Variants in PAFAH1B2 observed in about 807,000 individuals in gnomAD.
The protein encoded by PAFAH1B2 is platelet-activating factor acetylhydrolase IB subunit alpha2.
Under a neutral mutation model 28.0 loss-of-function variants are expected in PAFAH1B2, and 8 were observed. That is an observed-to-expected ratio of 0.29 (90% confidence interval 0.17 to 0.52). The LOEUF is 0.52. Among genes scored for constraint, PAFAH1B2 ranks in the 20% least tolerant of loss-of-function variants. PAFAH1B2 has a pLI of 0.97. For synonymous variants in PAFAH1B2, 104 were observed against 103.2 expected (o/e 1.01, Z -0.05); for missense variants, 190 against 282.6 (o/e 0.67, Z 2.35).
At position 117,169,195 on chromosome 11, in the gene PAFAH1B2, T is replaced by G. The variant is rs1956589276; in HGVS notation, c.*1496T>G. 9.7e-7 allele frequency: 1 copy of G among 1,032,218 alleles called. No individual in the cohort carries two copies. Among genetic ancestry groups the G allele is most frequent in the Non-Finnish European group, 1.2e-6 (1 of 858,278 alleles). 63.9% of individuals were successfully genotyped at this position (1,032,218 alleles called of 1,614,324 possible). A position where few individuals can be genotyped will look rare whatever the true frequency, so the allele number is the denominator to read the frequency against. On this transcript the variant is annotated 3_prime_UTR_variant, in exon 6 of 6. Coordinates refer to ENST00000527958, the MANE Select transcript of PAFAH1B2 (RefSeq NM_002572.4). ...CATAGACACTACCTTTATCCCATCA[T>G]TTTAGTAAAAACTAGGTTTGTTTCA...
chr11:117,173,912 A>G (rs975581435), downstream of PAFAH1B2, among the ~76,000 whole-genome samples: 1 of 152,244 alleles, frequency 6.6e-6, no homozygotes, highest in African/African-American at 2.4e-5. Context: ...ATGAAAAAAC[A>G]GCCCTTTTTA....
In PAFAH1B2 at chr11:117,155,071, A is replaced by G. The variant is rs775128228; in HGVS notation, c.81+2543A>G. Among the ~76,000 whole-genome samples, 57 of 151,870 alleles carry G rather than the reference A, an allele frequency of 3.8e-4. 1 individual carries two copies. The highest frequency in any genetic ancestry group is 1.5e-3 in the Admixed American group (23 of 15,220). The stretch of plus-strand genomic sequence containing the variant: ...GTGATCTTGGCTCGCTGCAACTTCT[A>G]CCTCCTGAATAGCTGGGATTACAGG... On this transcript the variant is annotated intron_variant, in intron 2 of 5. Transcript: ENST00000527958.
chr11:117,175,822 T>G, downstream of PAFAH1B2: 2 of 1,324,674 alleles, frequency 1.5e-6, no homozygotes, highest in Non-Finnish European at 2.1e-6. Flanking sequence ...ATCCAGCTAC[T>G]CGAGAGGCTG....
chr11:117,165,947 C>G (rs573167745), intron 5 of PAFAH1B2, among the ~76,000 whole-genome samples: 3 of 151,690 alleles, frequency 2.0e-5, no homozygotes, highest in Admixed American at 6.6e-5. Context: ...TCAAGTGATT[C>G]TTCTGCCTCA....
At position 117,168,446 on chromosome 11, in the gene PAFAH1B2, GT is replaced by G. The variant is rs71469127; in HGVS notation, c.*772del. ...TCCCCTTCATTCCCCCCGCCACCCCGTTTTTTTTTTTTTTTTTTTTTTTTTG... is the reference window on the plus strand; with the variant it reads ...TCCCCTTCATTCCCCCCGCCACCCCGTTTTTTTTTTTTTTTTTTTTTTTTG... On this transcript the variant is annotated 3_prime_UTR_variant, in exon 6 of 6. Transcript: ENST00000527958. The G allele has an allele frequency of 9.1e-3, 2,139 of 235,568 alleles. 2 individuals are homozygous for G. Among genetic ancestry groups the G allele is most frequent in the East Asian group, 0.051 (292 of 5,682 alleles). 14.6% of individuals were successfully genotyped at this position (235,568 alleles called of 1,614,324 possible). A position where few individuals can be genotyped will look rare whatever the true frequency, so the allele number is the denominator to read the frequency against.
rs1565268065 is a variant in PAFAH1B2, at chr11:117,159,919, T to C, written c.82-15T>C. On this transcript the variant is annotated splice_polypyrimidine_tract_variant and intron_variant, in intron 2 of 5. Coordinates refer to ENST00000527958, the MANE Select transcript of PAFAH1B2 (RefSeq NM_002572.4). The stretch of plus-strand genomic sequence containing the variant: ...AGTGCCAGTTAATAATTTTTTTTTT[T>C]CTTCTTCAAACCAGCACAACAGATT... 1 of 1,570,866 alleles carries C rather than the reference T, an allele frequency of 6.4e-7. No individual in the cohort carries two copies.
At position 117,170,476 on chromosome 11, in the gene PAFAH1B2, G is replaced by GGTC; in HGVS notation, c.*2779_*2781dup. ...GCTGTCTTCCAGTCCATGTGTTCTC[G>GGTC]GTCGCCGTAGACAGCGCTCTGGCTA... On this transcript the variant is annotated 3_prime_UTR_variant, in exon 6 of 6. Transcript: ENST00000527958. 9.4e-7 allele frequency: 1 copy of GGTC among 1,059,780 alleles called. No homozygotes were observed. The highest frequency in any genetic ancestry group is 1.1e-6 in the Non-Finnish European group (1 of 876,390). The allele number at this position is 1,059,780 out of a possible 1,614,324, so 65.6% of individuals were successfully genotyped here.
downstream of PAFAH1B2, among the ~76,000 whole-genome samples, chr11:117,177,339 C>G (rs541853815): frequency 1.3e-5 from 2 of 152,050 alleles, no homozygotes; most frequent in South Asian, 4.1e-4. Flanking sequence ...TTTGGTACTA[C>G]TCTATATTTT....
intron 4 of PAFAH1B2, among the ~76,000 whole-genome samples, chr11:117,162,297 C>CT (rs746698495): frequency 6.6e-6 from 1 of 152,182 alleles, no homozygotes. Context: ...CCATGCTTAG[C>CT]TAATTTTTAA....
chr11:117,165,901 G>A (rs1050831105), intron 5 of PAFAH1B2, among the ~76,000 whole-genome samples: 19 of 151,148 alleles, frequency 1.3e-4, no homozygotes, highest in African/African-American at 1.7e-4. Context: ...GTGCAGTGGC[G>A]TGATCTTAGC....
In PAFAH1B2 at chr11:117,161,142, T is replaced by C; in HGVS notation, c.172-3T>C. 1 of 1,574,760 alleles carries C rather than the reference T, an allele frequency of 6.4e-7. No individual in the cohort carries two copies. The highest frequency in any genetic ancestry group is 8.6e-7 in the Non-Finnish European group (1 of 1,163,816). On this transcript the variant is annotated splice_region_variant and splice_polypyrimidine_tract_variant and intron_variant, in intron 3 of 5. Coordinates refer to ENST00000527958, the MANE Select transcript of PAFAH1B2 (RefSeq NM_002572.4). Reference sequence around the variant, plus strand: ...ACACTAAATCAAGTTTTTCTTTTTTTAGATATGGCGAGAGCTTTTTTCCCC... The same window carrying C: ...ACACTAAATCAAGTTTTTCTTTTTTCAGATATGGCGAGAGCTTTTTTCCCC...
chr11:117,171,820 A>G, downstream of PAFAH1B2: 1 of 1,172,668 alleles, frequency 8.5e-7, no homozygotes, highest in Non-Finnish European at 1.2e-6. Context: ...TTGCTTTATC[A>G]CTGTTCACCT....
intron 2 of PAFAH1B2, among the ~76,000 whole-genome samples, chr11:117,156,247 A>G (rs1198133884): frequency 6.6e-6 from 1 of 152,198 alleles, no homozygotes; most frequent in African/African-American, 2.4e-5. Flanking sequence ...CTACATAGAA[A>G]AATGGTTCTA....
At chr11:117,161,801 G>A (rs537637908) in intron 4 of PAFAH1B2, among the ~76,000 whole-genome samples, 1 of 152,188 alleles carries the variant, frequency 6.6e-6, no homozygotes, top group Non-Finnish European at 1.5e-5. Flanking sequence ...GAGCCACCGC[G>A]CCTGGCTGAA....
At chr11:117,156,020 A>G (rs940096750) in intron 2 of PAFAH1B2, among the ~76,000 whole-genome samples, 3 of 152,098 alleles carry the variant, frequency 2.0e-5, no homozygotes, top group African/African-American at 7.2e-5. Context: ...CCCTGATTCA[A>G]CAAAAAATAG....
rs535548596 is a variant in PAFAH1B2, at chr11:117,161,204, A to G, written c.231A>G (p.Thr77=). The G allele has an allele frequency of 1.9e-6, 3 of 1,597,554 alleles. No individual in the cohort carries two copies. The highest frequency in any genetic ancestry group is 1.8e-5 in the Admixed American group (1 of 54,106). ...TGAATTTTGGAATTGGGGGAGATACAACAAGACATGTTTTGTGGAGACTAA... is the reference window on the plus strand; with the variant it reads ...TGAATTTTGGAATTGGGGGAGATACGACAAGACATGTTTTGTGGAGACTAA... ...HALNFGIGGD[T]TRHVLWRLKN... The change falls in exon 4 of 6, where the codon ACA becomes ACG. Residue 77 remains threonine, a synonymous_variant. Transcript: ENST00000527958.
chr11:117,165,528 A>AT (rs1956486584), intron 5 of PAFAH1B2, among the ~76,000 whole-genome samples: 1 of 152,176 alleles, frequency 6.6e-6, no homozygotes, highest in South Asian at 2.1e-4. Flanking sequence ...GCATACAAAA[A>AT]TGAGTAAGAC....
intron 2 of PAFAH1B2, among the ~76,000 whole-genome samples, chr11:117,157,451 T>C (rs1956278082): frequency 6.6e-6 from 1 of 152,190 alleles, no homozygotes; most frequent in Non-Finnish European, 1.5e-5. Flanking sequence ...CAGAGGTGTT[T>C]TCATAATCTG....
chr11:117,146,190 C>T (rs756248027), intron 1 of PAFAH1B2, among the ~76,000 whole-genome samples: 3 of 149,046 alleles, frequency 2.0e-5, no homozygotes, highest in Non-Finnish European at 4.4e-5. Context: ...GGCGCGATCT[C>T]TACTCACTAC....
Sources: gnomAD v4.1 joint callset for allele counts (sites outside exome capture counted in the v4.1 genomes callset) on GRCh38, gnomAD v4.1.1 for gene constraint, MANE v1.5 for transcripts, NCBI Gene and HGNC (gene_info 2026-07-23, HGNC 2026-07-21) for gene names.